KANK4: variants seen among roughly 807,000 people sequenced by gnomAD.
KANK4 encodes the protein KN motif and ankyrin repeat domain-containing protein 4.
Under a neutral mutation model 80.8 loss-of-function variants are expected in KANK4, and 50 were observed. The ratio of observed to expected loss-of-function variants is 0.62; its 90% CI spans 0.49 to 0.78. The LOEUF (loss-of-function observed/expected upper bound fraction) is 0.78. KANK4 is among the 30% of genes least tolerant of loss of function. The probability of loss-of-function intolerance (pLI) is 0.00; values close to 1 mark genes in which losing one functional copy is unlikely to be tolerated. For synonymous variants in KANK4, 465 were observed against 506.9 expected (o/e 0.92, Z 1.11); for missense variants, 1,196 against 1,240.1 (o/e 0.96, Z 0.53).
intron 1 of KANK4, among the ~76,000 whole-genome samples, chr1:62,284,831 A>C (rs999685720): frequency 4.6e-5 from 7 of 152,032 alleles, no homozygotes; most frequent in African/African-American, 1.7e-4. Flanking sequence ...CTCCCCTACT[A>C]ATCTGTAAGC....
intron 1 of KANK4, among the ~76,000 whole-genome samples, chr1:62,286,608 ATAAT>A (rs1672573662): frequency 6.6e-6 from 1 of 152,202 alleles, no homozygotes. Context: ...CTGAGCAGCT[ATAAT>A]TAATTATGAG....
rs898413392 is a variant in KANK4 at position 62,263,136 on chromosome 1, A to ACGCTGTAG, written c.2487_2494dup (p.Val832AlafsTer12). 3.1e-6 allele frequency: 5 copies of ACGCTGTAG among 1,613,852 alleles called. No homozygotes were observed. Among genetic ancestry groups the ACGCTGTAG allele is most frequent in the Non-Finnish European group, 4.2e-6 (5 of 1,179,868 alleles). On this transcript the variant is annotated frameshift_variant, in exon 7 of 10. Coordinates refer to ENST00000371153, the MANE Select transcript of KANK4 (RefSeq NM_181712.5). LOFTEE classifies it high-confidence loss of function. Reference sequence around the variant, plus strand: ...CACGATGGAGAAGTTGGAGTGGGACACGCTGTAGTGAAGGGCCGTGTTCCC... The same window carrying ACGCTGTAG: ...CACGATGGAGAAGTTGGAGTGGGACACGCTGTAGCGCTGTAGTGAAGGGCCGTGTTCCC...
intron 4 of KANK4, 83 bp from the exon 5 acceptor site, chr1:62,268,588 G>C: frequency 9.3e-7 from 1 of 1,078,866 alleles, no homozygotes; most frequent in Non-Finnish European, 1.4e-6. Context: ...GGTGGGCCTC[G>C]GGTAACACTC....
chr1:62,313,082 C>A (rs1015964603), intron 1 of KANK4, among the ~76,000 whole-genome samples: 1 of 152,088 alleles, frequency 6.6e-6, no homozygotes, highest in African/African-American at 2.4e-5. Flanking sequence ...GAGAGAAAGA[C>A]CATATTCACA....
intron 1 of KANK4, among the ~76,000 whole-genome samples, chr1:62,301,993 C>T (rs1374253033): frequency 6.6e-6 from 1 of 151,916 alleles, no homozygotes; most frequent in East Asian, 1.9e-4. Flanking sequence ...GCATGGGGAA[C>T]AGGTAAGAAG....
At position 62,253,174 on chromosome 1, in the gene KANK4, A is replaced by G; in HGVS notation, c.2575T>C (p.Tyr859His). Reference protein sequence around the residue: ...CNVDHQNKAGYTAVMITPLAS... With the variant: ...CNVDHQNKAGHTAVMITPLAS... ...AAGGGAGTGATCATTACGGCAGTGTAGCCAGCTTTGTTCTGATGGTCCACA... is the reference window on the plus strand; with the variant it reads ...AAGGGAGTGATCATTACGGCAGTGTGGCCAGCTTTGTTCTGATGGTCCACA... Residue 859 changes from tyrosine to histidine, a missense_variant, in exon 8 of 10, where the codon TAC becomes CAC. Coordinates refer to ENST00000371153, the MANE Select transcript of KANK4 (RefSeq NM_181712.5). 1 of 1,612,830 alleles carries G rather than the reference A, an allele frequency of 6.2e-7. No homozygotes were observed. The highest frequency in any genetic ancestry group is 1.1e-5 in the South Asian group (1 of 90,804).
At chr1:62,275,739 T>C (rs769979098) in intron 2 of KANK4, among the ~76,000 whole-genome samples, 2 of 151,804 alleles carry the variant, frequency 1.3e-5, no homozygotes, top group Non-Finnish European at 2.9e-5. Flanking sequence ...AACTGCCTAG[T>C]GCTTAACAAA....
chr1:62,262,209 G>T (rs1202886755), intron 7 of KANK4, among the ~76,000 whole-genome samples: 1 of 152,232 alleles, frequency 6.6e-6, no homozygotes, highest in Non-Finnish European at 1.5e-5. Flanking sequence ...GAGGTGGACA[G>T]AGTACAAAAC....
intron 8 of KANK4, among the ~76,000 whole-genome samples, chr1:62,248,028 C>T (rs763703185): frequency 2.4e-4 from 36 of 152,096 alleles, no homozygotes; most frequent in Non-Finnish European, 4.7e-4. Flanking sequence ...GCACCAAGAA[C>T]GTGCTGATAA....
At position 62,253,172 on chromosome 1, in the gene KANK4, GT is replaced by G. The variant is rs1401186518; in HGVS notation, c.2576del (p.Tyr859SerfsTer4). 6.2e-7 allele frequency: 1 copy of G among 1,612,660 alleles called. No homozygotes were observed. The highest frequency in any genetic ancestry group is 1.3e-5 in the African/African-American group (1 of 74,874). ...CNVDHQNKAGYTAVMITPLAS... is the reference protein window; with the variant it reads ...CNVDHQNKAGXTAVMITPLAS... ...CCAAGGGAGTGATCATTACGGCAGT[GT>G]AGCCAGCTTTGTTCTGATGGTCCAC... On this transcript the variant is annotated frameshift_variant, in exon 8 of 10. Coordinates refer to ENST00000371153, the MANE Select transcript of KANK4 (RefSeq NM_181712.5). LOFTEE classifies it high-confidence loss of function.
chr1:62,268,443 T>A lies in KANK4; in HGVS notation c.2075A>T (p.Asp692Val). 6.2e-7 allele frequency: 1 copy of A among 1,613,958 alleles called. No individual in the cohort carries two copies. The highest frequency in any genetic ancestry group is 8.5e-7 in the Non-Finnish European group (1 of 1,180,012). The change falls in exon 5 of 10, where the codon GAC (aspartate) becomes GTC (valine). Residue 692 changes from aspartate (D) to valine (V), a missense_variant. By Grantham distance (152) the Asp-to-Val change is radical. This residue lies in a region of KANK4 where 1,154 missense variants were observed against 1,179.6 expected (regional missense o/e 0.98). Coordinates refer to ENST00000371153, the MANE Select transcript of KANK4 (RefSeq NM_181712.5). ...GTCACACTTCTTCTCTGCCTCGCTG[T>A]CAGACAAGTCCTCTGGGGTGCTGTC... ...GEDSTPEDLS[D>V]SEAEKKCDGP...
At chr1:62,314,748 G>GA (rs1644526411) in intron 1 of KANK4, among the ~76,000 whole-genome samples, 1 of 151,888 alleles carries the variant, frequency 6.6e-6, no homozygotes, top group Non-Finnish European at 1.5e-5. Flanking sequence ...TACTTTTGGG[G>GA]AAAAAATGAG....
rs1451300361 is a variant in KANK4 at position 62,274,677 on chromosome 1, C to A, written c.427G>T (p.Ala143Ser). The A allele has an allele frequency of 6.2e-7, 1 of 1,614,118 alleles. No individual in the cohort carries two copies. The highest frequency in any genetic ancestry group is 8.5e-7 in the Non-Finnish European group (1 of 1,180,050). ...GTGAGCTCGGCATCCTCTGGCTCAG[C>A]AGCTTCCAACTGTCTGGTGGCCTCT... ...LAEATRQLEA[A>S]EPEDAELTFG... Residue 143 changes from alanine (A) to serine (S), a missense_variant, in exon 3 of 10, where the codon GCT (alanine) becomes TCT (serine). By Grantham distance (99) the Ala-to-Ser change is moderately conservative (BLOSUM62 1). Around this residue, in one of 3 missense-constraint regions of KANK4, gnomAD observed 1,154 missense variants for 1,179.6 expected, o/e 0.98. Transcript: ENST00000371153.
chr1:62,281,389 T>G (rs1029348840), intron 2 of KANK4, among the ~76,000 whole-genome samples, 160 bp downstream of exon 2: 4 of 152,208 alleles, frequency 2.6e-5, no homozygotes, highest in African/African-American at 7.2e-5. Context: ...GGGCTGGAGA[T>G]ACACAAAATC....
intron 1 of KANK4, among the ~76,000 whole-genome samples, chr1:62,308,709 A>G (rs1644473695): frequency 6.6e-6 from 1 of 152,098 alleles, no homozygotes; most frequent in African/African-American, 2.4e-5. Flanking sequence ...CCACCCCCAA[A>G]GTCAAGCCAG....
intron 1 of KANK4, among the ~76,000 whole-genome samples, chr1:62,282,584 C>T (rs1284970597): frequency 6.6e-6 from 1 of 151,946 alleles, no homozygotes; most frequent in Non-Finnish European, 1.5e-5. Flanking sequence ...CCCCCAGAAA[C>T]CAAGGATGGA....
intron 7 of KANK4, among the ~76,000 whole-genome samples, chr1:62,254,672 GCCT>G (rs2149125762): frequency 6.6e-6 from 1 of 151,806 alleles, no homozygotes; most frequent in East Asian, 1.9e-4. Context: ...TCCTGCCTCA[GCCT>G]CCTGAGTAGC....
rs1557493555 is a variant in KANK4, at chr1:62,278,388, TCTTTCTTTC to T, written c.16+3152_16+3160del. On this transcript the variant is annotated intron_variant, in intron 2 of 9. Coordinates refer to ENST00000371153, the MANE Select transcript of KANK4 (RefSeq NM_181712.5). ...TCCTTCCTTCCTTCCTTTCTTTCTT[TCTTTCTTTC>T]TTTTTTTTTTTTGAGATGGAATTTC... Among the ~76,000 whole-genome samples, 168 of 70,154 alleles carry T rather than the reference TCTTTCTTTC, an allele frequency of 2.4e-3. 1 individual carries two copies. The highest frequency in any genetic ancestry group is 9.8e-3 in the African/African-American group (122 of 12,428). The allele number at this position is 70,154 out of a possible 152,430, so 46.0% of individuals were successfully genotyped here.
intron 2 of KANK4, among the ~76,000 whole-genome samples, chr1:62,280,705 T>G (rs572616644): frequency 3.1e-4 from 47 of 152,360 alleles, no homozygotes; most frequent in Middle Eastern, 3.4e-3. Flanking sequence ...CAGACATTCA[T>G]TATGCTAGGT....
Sources: gnomAD v4.1 joint callset for allele counts (sites outside exome capture counted in the v4.1 genomes callset) on GRCh38, gnomAD v4.1.1 for gene constraint, gnomAD v4.1.1 regional missense constraint, MANE v1.5 for transcripts, NCBI Gene and HGNC (gene_info 2026-07-23, HGNC 2026-07-21) for gene names.